The following DPYD variants were observed in gnomAD, a reference collection of about 807,000 sequenced individuals.
The protein encoded by DPYD is dihydropyrimidine dehydrogenase, also known as dihydropyrimidine dehydrogenase [NADP(+)].
In DPYD, 109 loss-of-function variants were observed where a neutral mutation model predicts 116.2. The ratio of observed to expected loss-of-function variants is 0.94; its 90% CI spans 0.80 to 1.10. The LOEUF is 1.10. Among genes scored for constraint, DPYD ranks in the 50% least tolerant of loss-of-function variants. The pLI is 0.00. For missense variants in DPYD, 1,302 were observed against 1,254.5 expected (o/e 1.04, Z -0.57); for synonymous variants, 440 against 432.0 (o/e 1.02, Z -0.23).
At chr1:97,739,870 TG>T (rs1213104425) in intron 4 of DPYD, among the ~76,000 whole-genome samples, 14 of 152,142 alleles carry the variant, frequency 9.2e-5, no homozygotes, top group Non-Finnish European at 1.6e-4. Flanking sequence ...GTTCTACTCA[TG>T]CCCATATAAG....
At chr1:97,889,806 T>C (rs984221122) in intron 1 of DPYD, among the ~76,000 whole-genome samples, 2 of 151,956 alleles carry the variant, frequency 1.3e-5, no homozygotes, top group African/African-American at 4.8e-5. Flanking sequence ...TACACATTCT[T>C]CTCAACTCTA....
chr1:97,916,322 C>T (rs1381072040), intron 1 of DPYD, among the ~76,000 whole-genome samples: 1 of 152,064 alleles, frequency 6.6e-6, no homozygotes, highest in African/African-American at 2.4e-5. Flanking sequence ...TCTCCAAATG[C>T]TATCCCTCCT....
intron 3 of DPYD, among the ~76,000 whole-genome samples, chr1:97,795,394 G>T (rs892471677): frequency 6.6e-6 from 1 of 151,916 alleles, no homozygotes; most frequent in African/African-American, 2.4e-5. Flanking sequence ...GTGTTAGAAT[G>T]ATAAATAAAT....
intron 16 of DPYD, among the ~76,000 whole-genome samples, chr1:97,308,091 C>T (rs80174161): frequency 0.041 from 6,200 of 151,858 alleles, 164 homozygotes; most frequent in Middle Eastern, 0.11. Context: ...AAGTGGCTTT[C>T]AATACTATTG....
intron 4 of DPYD, among the ~76,000 whole-genome samples, chr1:97,726,848 G>C (rs1055019426): frequency 6.6e-6 from 1 of 151,506 alleles, no homozygotes; most frequent in Non-Finnish European, 1.5e-5. Context: ...AAAGAGACAC[G>C]TTTGAAAAAT....
intron 13 of DPYD, among the ~76,000 whole-genome samples, chr1:97,485,356 G>A (rs554998159): frequency 9.9e-5 from 15 of 152,046 alleles, no homozygotes; most frequent in South Asian, 6.2e-4. Context: ...AGTGCACCAC[G>A]ATGCCTGGTT....
intron 14 of DPYD, among the ~76,000 whole-genome samples, chr1:97,401,337 G>A (rs763239755): frequency 5.3e-5 from 8 of 151,746 alleles, no homozygotes; most frequent in Non-Finnish European, 1.0e-4. Context: ...TGTTTGAGAC[G>A]GAGTCTTGCT....
intron 12 of DPYD, among the ~76,000 whole-genome samples, chr1:97,532,181 G>A (rs1027419347): frequency 2.6e-5 from 4 of 152,166 alleles, no homozygotes; most frequent in South Asian, 4.1e-4. Flanking sequence ...ATTGATTTGT[G>A]TATGTTGAAC....
chr1:97,282,530 A>G (rs1232442814), intron 18 of DPYD, among the ~76,000 whole-genome samples: 1 of 152,138 alleles, frequency 6.6e-6, no homozygotes, highest in Non-Finnish European at 1.5e-5. Flanking sequence ...GACTAGACAG[A>G]AGCTAATTTA....
intron 21 of DPYD, among the ~76,000 whole-genome samples, chr1:97,098,032 C>G (rs1047358799): frequency 6.6e-6 from 1 of 151,906 alleles, no homozygotes; most frequent in Non-Finnish European, 1.5e-5. Context: ...CTCCTGAGAC[C>G]CAAATAAATG....
chr1:97,080,714 T>C (rs1570422265), intron 22 of DPYD, among the ~76,000 whole-genome samples: 1 of 152,272 alleles, frequency 6.6e-6, no homozygotes, highest in Admixed American at 6.6e-5. Flanking sequence ...TTAAGACTAA[T>C]GCTTAGAAAT....
intron 5 of DPYD, among the ~76,000 whole-genome samples, chr1:97,715,920 A>G (rs1243436478): frequency 6.6e-6 from 1 of 152,124 alleles, no homozygotes; most frequent in Non-Finnish European, 1.5e-5. Flanking sequence ...ATAGAGTTGT[A>G]GAATACAAAA....
At chr1:97,861,140 A>AAGAT (rs1671094242) in intron 2 of DPYD, among the ~76,000 whole-genome samples, 1 of 152,084 alleles carries the variant, frequency 6.6e-6, no homozygotes, top group Admixed American at 6.6e-5. Flanking sequence ...AAAAATAGAC[A>AAGAT]TAAAATAAAT....
intron 18 of DPYD, among the ~76,000 whole-genome samples, chr1:97,269,986 A>G (rs1664473389): frequency 6.6e-6 from 1 of 152,168 alleles, no homozygotes; most frequent in South Asian, 2.1e-4. Flanking sequence ...AGATTATGTC[A>G]CATCATTTGG....
intron 19 of DPYD, among the ~76,000 whole-genome samples, chr1:97,195,113 T>C (rs535192612): frequency 6.6e-6 from 1 of 152,228 alleles, no homozygotes; most frequent in East Asian, 1.9e-4. Context: ...TGGCCCAACA[T>C]TACATCAAAT....
chr1:97,097,166 T>C (rs1263385118), intron 21 of DPYD, among the ~76,000 whole-genome samples: 1 of 152,222 alleles, frequency 6.6e-6, no homozygotes, highest in Non-Finnish European at 1.5e-5. Flanking sequence ...GCTTTTATGC[T>C]GTTAAAAGTC....
At chr1:97,875,634 G>A (rs903022299) in intron 2 of DPYD, among the ~76,000 whole-genome samples, 5 of 151,870 alleles carry the variant, frequency 3.3e-5, no homozygotes, top group African/African-American at 1.2e-4. Flanking sequence ...ACTCTGAAGG[G>A]ATTTCTAGGT....
chr1:97,105,071 T>G (rs1376042355), intron 20 of DPYD, among the ~76,000 whole-genome samples: 1 of 152,150 alleles, frequency 6.6e-6, no homozygotes, highest in Non-Finnish European at 1.5e-5. Flanking sequence ...ATTATTATTT[T>G]CATATTGAAA....
intron 18 of DPYD, among the ~76,000 whole-genome samples, chr1:97,239,841 A>C (rs1662207913): frequency 6.6e-6 from 1 of 152,104 alleles, no homozygotes. Context: ...TAAAAATTGT[A>C]ATAACGTCTT....
Sources: gnomAD v4.1 joint callset for allele counts (sites outside exome capture counted in the v4.1 genomes callset) on GRCh38, gnomAD v4.1.1 for gene constraint, MANE v1.5 for transcripts, NCBI Gene and HGNC (gene_info 2026-07-23, HGNC 2026-07-21) for gene names.